Variants in TMEM65 observed in about 807,000 individuals in gnomAD.
TMEM65 encodes the protein transmembrane protein 65.
In TMEM65, 22 loss-of-function variants were observed where a neutral mutation model predicts 25.4. The ratio of observed to expected loss-of-function variants is 0.86; its 90% CI spans 0.62 to 1.23. The LOEUF (loss-of-function observed/expected upper bound fraction) is 1.23, where lower values mean the gene tolerates loss of function less well. Ranked by LOEUF, TMEM65 falls within the 50% of genes most tolerant of loss-of-function variation. TMEM65 has a pLI of 0.00. For synonymous variants in TMEM65, 132 were observed against 126.2 expected, an observed-to-expected ratio of 1.05 and a Z score of -0.31; for missense variants, 262 against 308.2, an observed-to-expected ratio of 0.85 and a Z score of 1.12.
intron 1 of TMEM65, 80 bp from the exon 2 acceptor site, chr8:124,330,872 G>A: frequency 7.6e-7 from 1 of 1,307,604 alleles, no homozygotes; most frequent in Non-Finnish European, 1.1e-6. Flanking sequence ...GAAAATACCA[G>A]AAGATTTACA....
chr8:124,329,302 C>T (rs1225638372), intron 2 of TMEM65, among the ~76,000 whole-genome samples: 2 of 151,700 alleles, frequency 1.3e-5, no homozygotes, highest in East Asian at 3.9e-4. Flanking sequence ...ATACACATTA[C>T]AAATTTAACA....
chr8:124,347,320 G>A (rs1365952430), intron 1 of TMEM65, among the ~76,000 whole-genome samples: 3 of 152,058 alleles, frequency 2.0e-5, no homozygotes, highest in African/African-American at 7.2e-5. Context: ...GCGTAATCTT[G>A]TAATTTTATT....
intron 1 of TMEM65, among the ~76,000 whole-genome samples, chr8:124,354,842 A>G (rs1278761529): frequency 1.3e-5 from 2 of 152,194 alleles, no homozygotes; most frequent in East Asian, 1.9e-4. Flanking sequence ...AAGGAACTCA[A>G]TCTGTGAGAG....
intron 1 of TMEM65, among the ~76,000 whole-genome samples, chr8:124,331,303 T>C (rs1448161120): frequency 6.7e-6 from 1 of 150,194 alleles, no homozygotes; most frequent in Non-Finnish European, 1.5e-5. Context: ...CTGAATTGTA[T>C]TTTGTTCCTT....
At chr8:124,363,120 T>C (rs1158888640) in intron 1 of TMEM65, among the ~76,000 whole-genome samples, 3 of 152,208 alleles carry the variant, frequency 2.0e-5, no homozygotes, top group Non-Finnish European at 4.4e-5. Context: ...AAATTTCAAA[T>C]TGAAAGTTTA....
chr8:124,326,126 A>T (rs72711168), intron 3 of TMEM65, among the ~76,000 whole-genome samples: 50,250 of 151,864 alleles, frequency 0.33, 9,360 homozygotes, highest in Non-Finnish European at 0.42. Context: ...TCTAAGTCCT[A>T]ACTGAGAAAA....
At chr8:124,327,502 T>C (rs1290733555) in intron 2 of TMEM65, 81 bp from the exon 3 acceptor site, 4 of 871,700 alleles carry the variant, frequency 4.6e-6, no homozygotes, top group African/African-American at 1.8e-5. Context: ...ATGATCAAAG[T>C]ATCCTAAACA....
chr8:124,327,353 C>T lies in TMEM65; in HGVS notation c.417+1G>A. On this transcript the variant is annotated splice_donor_variant, in intron 3 of 6. Coordinates refer to ENST00000297632, the MANE Select transcript of TMEM65 (RefSeq NM_194291.3). LOFTEE classifies it high-confidence loss of function. ...TAGAAGCAGTGAGAGAAAGAACTTA[C>T]AGCAACAATCATAATTGCATTATCC... 6.3e-7 allele frequency: 1 copy of T among 1,595,714 alleles called. No individual in the cohort carries two copies. The highest frequency in any genetic ancestry group is 8.5e-7 in the Non-Finnish European group (1 of 1,169,654).
chr8:124,310,756 G>C lies in TMEM65; in HGVS notation c.*3204C>G, dbSNP rs1814147248. On this transcript the variant is annotated 3_prime_UTR_variant, in exon 7 of 7. Coordinates refer to ENST00000297632, the MANE Select transcript of TMEM65 (RefSeq NM_194291.3). ...GTATTTCCCAAATAATTTATGGTAA[G>C]ATAGGCTAACCAGTTTCTAAGTCCA... 6.6e-6 allele frequency: 1 copy of C among 151,838 alleles called. No individual in the cohort carries two copies. The highest frequency in any genetic ancestry group is 1.5e-5 in the Non-Finnish European group (1 of 67,990). The allele number at this position is 151,838 out of a possible 1,614,324, so 9.4% of individuals were successfully genotyped here. A position where few individuals can be genotyped will look rare whatever the true frequency, so the allele number is the denominator to read the frequency against.
intron 1 of TMEM65, among the ~76,000 whole-genome samples, chr8:124,365,850 T>C (rs1181813657): frequency 1.3e-5 from 2 of 152,222 alleles, no homozygotes; most frequent in African/African-American, 4.8e-5. Flanking sequence ...AGACTTATTT[T>C]GGACTTTGTA....
rs1441960433 is a variant in TMEM65, at chr8:124,327,216, T to C, written c.417+138A>G. The C allele has an allele frequency of 6.5e-6, 4 of 616,614 alleles. No individual in the cohort carries two copies. The East Asian group carries it at 1.3e-4, about 19-fold the overall frequency. The allele number at this position is 616,614 out of a possible 1,614,324, so 38.2% of individuals were successfully genotyped here. ...ATATAGCTTAATTAAAATTGAGCTA[T>C]AGTCTGAGATATAGTAAAAAATATC... On this transcript the variant is annotated intron_variant, in intron 3 of 6. Transcript: ENST00000297632.
chr8:124,351,585 T>C (rs761357717), intron 1 of TMEM65, among the ~76,000 whole-genome samples: 5 of 152,180 alleles, frequency 3.3e-5, no homozygotes, highest in Admixed American at 6.5e-5. Flanking sequence ...CCTTGATAAA[T>C]TGTCACACAC....
intron 1 of TMEM65, among the ~76,000 whole-genome samples, chr8:124,333,470 CGT>C (rs10660640): frequency 0.029 from 4,255 of 149,192 alleles, 103 homozygotes; most frequent in African/African-American, 0.058. Flanking sequence ...TGTGTGTGTG[CGT>C]GTGTGTGTGT....
Position 124,353,634 on chromosome 8 carries a change from A to G in TMEM65, c.304+18220T>C, listed in dbSNP as rs192091816. 9.5e-3 allele frequency among the ~76,000 whole-genome samples: 1,439 copies of G among 152,256 alleles called. 31 individuals are homozygous for G. Among genetic ancestry groups the G allele is most frequent in the Middle Eastern group, 0.017 (5 of 294 alleles). On this transcript the variant is annotated intron_variant, in intron 1 of 6. Transcript: ENST00000297632. Reference sequence around the variant, plus strand: ...TCTCTTGTATAAATGGCTGATTCTAAGGCTAGGGCAGCAAAAGTGCAAGAT... The same window carrying G: ...TCTCTTGTATAAATGGCTGATTCTAGGGCTAGGGCAGCAAAAGTGCAAGAT...
intron 1 of TMEM65, among the ~76,000 whole-genome samples, chr8:124,356,757 G>C (rs1814787499): frequency 6.6e-6 from 1 of 151,942 alleles, no homozygotes; most frequent in East Asian, 1.9e-4. Context: ...ACACAGGCTG[G>C]AGTGTAATGG....
At chr8:124,327,496 T>C (rs1814379524) in intron 2 of TMEM65, 75 bp from the exon 3 acceptor site, 1 of 959,372 alleles carries the variant, frequency 1.0e-6, no homozygotes, top group East Asian at 2.8e-5. Context: ...GATGATATGA[T>C]CAAAGTATCC....
chr8:124,331,722 A>G (rs1229182394), intron 1 of TMEM65, among the ~76,000 whole-genome samples: 1 of 151,950 alleles, frequency 6.6e-6, no homozygotes, highest in Non-Finnish European at 1.5e-5. Flanking sequence ...GTTATCATAT[A>G]GAGAAGAACC....
At chr8:124,353,754 T>C (rs182990322) in intron 1 of TMEM65, among the ~76,000 whole-genome samples, 1 of 152,262 alleles carries the variant, frequency 6.6e-6, no homozygotes, top group Admixed American at 6.5e-5. Flanking sequence ...TTGAAGGGGT[T>C]CCCACTGGCC....
In TMEM65 at chr8:124,310,316, T is replaced by C. The variant is rs1462193325; in HGVS notation, c.*3644A>G. On this transcript the variant is annotated 3_prime_UTR_variant, in exon 7 of 7. Transcript: ENST00000297632. ...AAGAACACAAGATTTCTTAAATGAA[T>C]CTTGGATTGTAAGCACAATATTCTT... 6.6e-6 allele frequency: 1 copy of C among 152,156 alleles called. No individual in the cohort carries two copies. Among genetic ancestry groups the C allele is most frequent in the African/African-American group, 2.4e-5 (1 of 41,440 alleles). The allele number at this position is 152,156 out of a possible 1,614,324, so 9.4% of individuals were successfully genotyped here.
Sources: allele counts gnomAD v4.1 joint callset (sites outside exome capture counted in the v4.1 genomes callset), GRCh38; gene constraint gnomAD v4.1.1; transcripts MANE v1.5; gene names NCBI Gene and HGNC (gene_info 2026-07-23, HGNC 2026-07-21).